The following PDE4B variants were observed in gnomAD, a reference collection of about 807,000 sequenced individuals.
PDE4B encodes 3',5'-cyclic-AMP phosphodiesterase 4B.
In PDE4B, 20 loss-of-function variants were observed where a neutral mutation model predicts 82.2. The ratio of observed to expected loss-of-function variants is 0.24; its 90% CI spans 0.17 to 0.35. The LOEUF (loss-of-function observed/expected upper bound fraction) is 0.35. PDE4B is among the 10% of genes least tolerant of loss of function. PDE4B has a pLI of 1.00. For missense variants in PDE4B, 655 were observed against 907.2 expected (o/e 0.72, Z 3.57); for synonymous variants, 320 against 318.9 (o/e 1.00, Z -0.04).
chr1:66,233,822 A>AT (rs372110124), intron 3 of PDE4B, among the ~76,000 whole-genome samples: 20 of 151,344 alleles, frequency 1.3e-4, no homozygotes, highest in Middle Eastern at 3.4e-3. Context: ...AACTACATTG[A>AT]TTTTTTTTTG....
intron 1 of PDE4B, among the ~76,000 whole-genome samples, chr1:65,878,407 T>C (rs1646672409): frequency 6.6e-6 from 1 of 152,216 alleles, no homozygotes; most frequent in East Asian, 1.9e-4. Context: ...TTATATATCA[T>C]TCTACTATAA....
intron 3 of PDE4B, among the ~76,000 whole-genome samples, chr1:66,069,740 C>T (rs969576406): frequency 6.6e-6 from 1 of 151,906 alleles, no homozygotes; most frequent in Non-Finnish European, 1.5e-5. Flanking sequence ...TGTCATGGGG[C>T]TAGGAAATAA....
intron 3 of PDE4B, among the ~76,000 whole-genome samples, chr1:66,099,766 C>T (rs908221437): frequency 9.2e-5 from 14 of 151,888 alleles, no homozygotes; most frequent in East Asian, 7.7e-4. Context: ...TTGAGGTGGG[C>T]GCCAAAAAAT....
chr1:66,298,156 G>A (rs548960945), intron 7 of PDE4B, among the ~76,000 whole-genome samples: 1 of 152,136 alleles, frequency 6.6e-6, no homozygotes, highest in Non-Finnish European at 1.5e-5. Context: ...ATATACTTTT[G>A]TTCTCATGCT....
chr1:65,970,370 T>C (rs1434126692), intron 3 of PDE4B, among the ~76,000 whole-genome samples: 1 of 152,152 alleles, frequency 6.6e-6, no homozygotes, highest in Non-Finnish European at 1.5e-5. Context: ...TTCCTATGGC[T>C]TTTTGCAGAA....
intron 3 of PDE4B, among the ~76,000 whole-genome samples, chr1:66,062,019 T>C (rs1347559711): frequency 6.6e-6 from 1 of 152,154 alleles, no homozygotes; most frequent in Non-Finnish European, 1.5e-5. Flanking sequence ...TGATCATACT[T>C]GATTTCCCAA....
chr1:65,808,359 A>G (rs1290830543), intron 1 of PDE4B, among the ~76,000 whole-genome samples: 4 of 152,042 alleles, frequency 2.6e-5, no homozygotes, highest in Admixed American at 2.0e-4. Context: ...TTGTAGAGAC[A>G]GGGTCTTGCT....
chr1:65,924,077 A>T (rs1348707031), intron 3 of PDE4B, among the ~76,000 whole-genome samples: 7 of 40,786 alleles, frequency 1.7e-4, no homozygotes, highest in Non-Finnish European at 2.6e-4. Flanking sequence ...CAGTTTGCTA[A>T]TTTTTTTTTT....
Position 66,234,964 on chromosome 1 carries a change from G to A in PDE4B, c.282-12496G>A, listed in dbSNP as rs115996003. Among the ~76,000 whole-genome samples the A allele has an allele frequency of 8.5e-3, 1,288 of 152,024 alleles. 19 individuals carry two copies. Among genetic ancestry groups the A allele is most frequent in the African/African-American group, 0.029 (1,211 of 41,470 alleles). The stretch of plus-strand genomic sequence containing the variant: ...ACAAATTTTAACATATAATGTTTTC[G>A]TTGTCATTCAGTTCAAAATACTTTT... On this transcript the variant is annotated intron_variant, in intron 3 of 16. Transcript: ENST00000341517.
chr1:65,845,490 C>A (rs1435038170), intron 1 of PDE4B, among the ~76,000 whole-genome samples: 4 of 152,068 alleles, frequency 2.6e-5, no homozygotes, highest in Non-Finnish European at 5.9e-5. Context: ...GAGTTGTAAC[C>A]CTAACTTTAT....
intron 1 of PDE4B, among the ~76,000 whole-genome samples, chr1:65,801,068 T>A (rs1268612069): frequency 2.6e-5 from 4 of 152,218 alleles, no homozygotes; most frequent in African/African-American, 9.6e-5. Flanking sequence ...AGATGAAAGC[T>A]TCTGGGGAGC....
At chr1:66,082,999 CAAAG>C (rs1181314589) in intron 3 of PDE4B, among the ~76,000 whole-genome samples, 1 of 152,058 alleles carries the variant, frequency 6.6e-6, no homozygotes, top group Non-Finnish European at 1.5e-5. Flanking sequence ...AAATCCTCTC[CAAAG>C]AAAGAAATAT....
chr1:65,844,344 G>T (rs1366718755), intron 1 of PDE4B, among the ~76,000 whole-genome samples: 2 of 152,144 alleles, frequency 1.3e-5, no homozygotes, highest in African/African-American at 4.8e-5. Context: ...ATACATTTTT[G>T]AAGAGGAATA....
chr1:66,372,479 G>A lies in PDE4B; in HGVS notation c.2012G>A (p.Cys671Tyr), dbSNP rs759766041. The A allele has an allele frequency of 1.9e-6, 3 of 1,614,098 alleles. No individual in the cohort carries two copies. Among genetic ancestry groups the A allele is most frequent in the African/African-American group, 1.3e-5 (1 of 75,042 alleles). The stretch of plus-strand genomic sequence containing the variant: ...CCACTGGACGAGCAGAACAGGGACT[G>A]CCAGGGTCTGATGGAGAAGTTTCAG... Reference protein sequence around the residue: ...SPPLDEQNRDCQGLMEKFQFE... With the variant: ...SPPLDEQNRDYQGLMEKFQFE... The change falls in exon 17 of 17, where the codon TGC becomes TAC. Residue 671 changes from cysteine (C) to tyrosine (Y), a missense_variant. By Grantham distance (194) the Cys-to-Tyr change is radical (BLOSUM62 -2). Around this residue, in one of 3 missense-constraint regions of PDE4B, gnomAD observed 119 missense variants for 115.2 expected, o/e 1.03. Transcript: ENST00000341517.
At chr1:65,918,114 A>C (rs557573081) in intron 2 of PDE4B, among the ~76,000 whole-genome samples, 6 of 152,344 alleles carry the variant, frequency 3.9e-5, no homozygotes, top group African/African-American at 1.4e-4. Flanking sequence ...CAGTGAGCTG[A>C]GATCACTCCA....
At chr1:66,241,144 A>G (rs1315352959) in intron 3 of PDE4B, among the ~76,000 whole-genome samples, 1 of 152,228 alleles carries the variant, frequency 6.6e-6, no homozygotes, top group Non-Finnish European at 1.5e-5. Flanking sequence ...GTGGAAGGGA[A>G]GTCATAGACT....
At chr1:66,123,661 A>G (rs1421202290) in intron 3 of PDE4B, among the ~76,000 whole-genome samples, 1 of 152,176 alleles carries the variant, frequency 6.6e-6, no homozygotes, top group Non-Finnish European at 1.5e-5. Flanking sequence ...CATCACAGAC[A>G]CTTTCACCCT....
intron 3 of PDE4B, among the ~76,000 whole-genome samples, chr1:66,114,578 A>AAC (rs1345595814): frequency 6.6e-6 from 1 of 152,138 alleles, no homozygotes; most frequent in Non-Finnish European, 1.5e-5. Context: ...ACTCTCTGAA[A>AAC]ACACAGACTA....
chr1:66,311,915 T>C (rs1461524993), intron 7 of PDE4B, among the ~76,000 whole-genome samples: 1 of 152,206 alleles, frequency 6.6e-6, no homozygotes, highest in Non-Finnish European at 1.5e-5. Flanking sequence ...GGATCTGCTC[T>C]GAGACCTTTA....
Sources: gnomAD v4.1 joint callset for allele counts (sites outside exome capture counted in the v4.1 genomes callset) on GRCh38, gnomAD v4.1.1 for gene constraint, gnomAD v4.1.1 regional missense constraint, MANE v1.5 for transcripts, NCBI Gene and HGNC (gene_info 2026-07-23, HGNC 2026-07-21) for gene names.